CFAP276: variants seen among roughly 807,000 people sequenced by gnomAD.
CFAP276 encodes cilia- and flagella-associated protein 276.
At chr1:109,109,335 C>G in the CFAP276 span, among the ~76,000 whole-genome samples, 2 of 151,376 alleles carry the variant, frequency 1.3e-5, no homozygotes, top group South Asian at 4.2e-4. Flanking sequence ...GTAATCTCAG[C>G]TACTTGGGAG....
chr1:109,108,204 G>A, the CFAP276 span, among the ~76,000 whole-genome samples: 4 of 152,078 alleles, frequency 2.6e-5, no homozygotes, highest in African/African-American at 7.2e-5. Flanking sequence ...GTGCAGTGGC[G>A]AGATCTCGGC....
the CFAP276 span, chr1:109,112,656 G>C: frequency 6.4e-7 from 1 of 1,550,564 alleles, no homozygotes; most frequent in Non-Finnish European, 8.7e-7. Flanking sequence ...TAGGCTGCTG[G>C]AAAGGGTCCC....
At chr1:109,106,549 A>G in the CFAP276 span, 1 of 1,613,934 alleles carries the variant, frequency 6.2e-7, no homozygotes, top group South Asian at 1.1e-5. Context: ...GGATCCTTGG[A>G]TGCTGTGGAT....
the CFAP276 span, among the ~76,000 whole-genome samples, chr1:109,106,362 A>G: frequency 2.0e-5 from 3 of 152,180 alleles, no homozygotes; most frequent in Non-Finnish European, 4.4e-5. Context: ...CTCTATAGTC[A>G]GCATGTCCCC....
chr1:109,111,622 C>T, the CFAP276 span, among the ~76,000 whole-genome samples: 1 of 152,198 alleles, frequency 6.6e-6, no homozygotes, highest in East Asian at 1.9e-4. Context: ...TACACTCCAG[C>T]CCTTCTAGAC....
chr1:109,111,044 C>G, the CFAP276 span, among the ~76,000 whole-genome samples: 1 of 152,200 alleles, frequency 6.6e-6, no homozygotes, highest in Non-Finnish European at 1.5e-5. Flanking sequence ...AGATCTGTTA[C>G]TCTTCCTCCT....
At chr1:109,111,397 G>A in the CFAP276 span, among the ~76,000 whole-genome samples, 1 of 151,684 alleles carries the variant, frequency 6.6e-6, no homozygotes, top group Non-Finnish European at 1.5e-5. Flanking sequence ...TTGAGCCCAG[G>A]AGTTCGAGGC....
chr1:109,106,156 G>T, the CFAP276 span: 1 of 1,464,496 alleles, frequency 6.8e-7, no homozygotes, highest in South Asian at 1.2e-5. Flanking sequence ...CCTTTTCTAG[G>T]AAACTTTAAA....
the CFAP276 span, among the ~76,000 whole-genome samples, chr1:109,110,237 C>T: frequency 2.6e-5 from 4 of 152,190 alleles, no homozygotes; most frequent in Non-Finnish European, 5.9e-5. Context: ...ATTTCTTTGT[C>T]GTGGTCTAGC....
At chr1:109,113,415 AAAGAGAGAGAGAGAGAGAGAG>A in the CFAP276 span, among the ~76,000 whole-genome samples, 7 of 113,808 alleles carry the variant, frequency 6.2e-5, no homozygotes, top group Admixed American at 9.5e-5. Flanking sequence ...AGAGAGAGAG[AAAGAGAGAGAGAGAGAGAGAG>A]AGAGAGAGAG....
At chr1:109,108,019 G>C in the CFAP276 span, 1 of 1,606,168 alleles carries the variant, frequency 6.2e-7, no homozygotes, top group Non-Finnish European at 8.5e-7. Flanking sequence ...AGGTGTGTTG[G>C]GTTCTTATAT....
the CFAP276 span, among the ~76,000 whole-genome samples, chr1:109,113,415 AAAGAGAGAGAGAGAG>A: frequency 1.8e-4 from 20 of 113,830 alleles, no homozygotes; most frequent in African/African-American, 6.8e-4. Context: ...AGAGAGAGAG[AAAGAGAGAGAGAGAG>A]AGAGAGAGAG....
chr1:109,108,440 G>T, the CFAP276 span, among the ~76,000 whole-genome samples: 1 of 152,152 alleles, frequency 6.6e-6, no homozygotes, highest in Admixed American at 6.5e-5. Flanking sequence ...ATCATGCCCG[G>T]CCCCATCTAG....
chr1:109,105,972 T>C, the CFAP276 span: 1 of 1,400,102 alleles, frequency 7.1e-7, no homozygotes. Context: ...CAAATCTATT[T>C]AATGGAAGTG....
At chr1:109,107,037 A>C in the CFAP276 span, 1 of 1,614,148 alleles carries the variant, frequency 6.2e-7, no homozygotes, top group Non-Finnish European at 8.5e-7. Context: ...TTTCTGGTTT[A>C]ACAGTATCTC....
At chr1:109,113,287 G>A in the CFAP276 span, among the ~76,000 whole-genome samples, 4 of 151,924 alleles carry the variant, frequency 2.6e-5, no homozygotes, top group Non-Finnish European at 5.9e-5. Context: ...CAGCTACTCG[G>A]GAGGCTAATC....
the CFAP276 span, chr1:109,112,789 G>GC: frequency 6.8e-7 from 1 of 1,481,076 alleles, no homozygotes; most frequent in South Asian, 1.3e-5. Context: ...GGTTTCGGTT[G>GC]CCAGGCAACT....
At chr1:109,106,449 C>T in the CFAP276 span, 1 of 1,501,330 alleles carries the variant, frequency 6.7e-7, no homozygotes, top group Non-Finnish European at 9.0e-7. Context: ...CCCTACTGTC[C>T]AATCACCTTA....
the CFAP276 span, among the ~76,000 whole-genome samples, chr1:109,111,292 T>A: frequency 6.6e-6 from 1 of 152,026 alleles, no homozygotes; most frequent in Non-Finnish European, 1.5e-5. Flanking sequence ...CAAAGGAAGA[T>A]CCTGGTTCTA....
Sources: allele counts gnomAD v4.1 joint callset (sites outside exome capture counted in the v4.1 genomes callset), GRCh38; gene constraint gnomAD v4.1.1; transcripts MANE v1.5; gene names NCBI Gene and HGNC (gene_info 2026-07-23, HGNC 2026-07-21).